CNTNAP5: variants seen among roughly 807,000 people sequenced by gnomAD.
CNTNAP5 encodes contactin associated protein family member 5, also known as contactin-associated protein-like 5.
In CNTNAP5, 72 loss-of-function variants were observed where a neutral mutation model predicts 150.2. The ratio of observed to expected loss-of-function variants is 0.48; its 90% confidence interval spans 0.40 to 0.58. CNTNAP5 has a LOEUF of 0.58. Ranked by LOEUF, CNTNAP5 falls within the 20% of genes least tolerant of loss-of-function variation. CNTNAP5 has a pLI of 0.00. For missense variants in CNTNAP5, 1,636 were observed against 1,626.2 expected (o/e 1.01, Z -0.10); for synonymous variants, 672 against 619.8 (o/e 1.08, Z -1.25).
At chr2:124,409,750 C>T (rs1381512053) in intron 3 of CNTNAP5, among the ~76,000 whole-genome samples, 1 of 150,998 alleles carries the variant, frequency 6.6e-6, no homozygotes, top group Non-Finnish European at 1.5e-5. Flanking sequence ...AAAGGAACAA[C>T]CGGTACCAGC....
intron 19 of CNTNAP5, among the ~76,000 whole-genome samples, chr2:124,847,484 C>T (rs141762303): frequency 5.7e-4 from 87 of 152,242 alleles, no homozygotes; most frequent in Non-Finnish European, 9.4e-4. Context: ...CCAACAGCAT[C>T]GAGTCTATAT....
intron 12 of CNTNAP5, among the ~76,000 whole-genome samples, chr2:124,630,733 C>T (rs1230685230): frequency 6.6e-6 from 1 of 152,088 alleles, no homozygotes; most frequent in Non-Finnish European, 1.5e-5. Flanking sequence ...CCAGGGCAAT[C>T]AGGCAAGAGA....
intron 11 of CNTNAP5, among the ~76,000 whole-genome samples, chr2:124,581,069 T>A (rs1454712006): frequency 2.6e-5 from 4 of 152,132 alleles, no homozygotes; most frequent in African/African-American, 9.7e-5. Flanking sequence ...AGAGCACAGA[T>A]CGTGGGCTTG....
intron 11 of CNTNAP5, among the ~76,000 whole-genome samples, chr2:124,576,092 T>A (rs887133413): frequency 6.6e-6 from 1 of 152,180 alleles, no homozygotes; most frequent in African/African-American, 2.4e-5. Context: ...TAGCTGTAGT[T>A]CCAGATTTTA....
At chr2:124,792,027 G>A (rs1681746025) in intron 18 of CNTNAP5, among the ~76,000 whole-genome samples, 1 of 152,086 alleles carries the variant, frequency 6.6e-6, no homozygotes. Context: ...AACTGAAATG[G>A]GAAGCCAGTG....
intron 1 of CNTNAP5, among the ~76,000 whole-genome samples, chr2:124,109,862 C>A (rs982883220): frequency 3.9e-5 from 6 of 152,182 alleles, no homozygotes; most frequent in African/African-American, 1.4e-4. Flanking sequence ...GGTTTTTGAA[C>A]AAAGGATCTG....
At chr2:124,410,854 G>C (rs1691737827) in intron 3 of CNTNAP5, among the ~76,000 whole-genome samples, 1 of 150,428 alleles carries the variant, frequency 6.6e-6, no homozygotes, top group African/African-American at 2.4e-5. Flanking sequence ...TCAAAAGCTA[G>C]CAGAAGGCAA....
intron 18 of CNTNAP5, among the ~76,000 whole-genome samples, chr2:124,793,113 C>A (rs1681771649): frequency 6.6e-6 from 1 of 152,174 alleles, no homozygotes; most frequent in Non-Finnish European, 1.5e-5. Context: ...AACTTCCTAA[C>A]TTTTTCAAAT....
At position 124,510,028 on chromosome 2, in the gene CNTNAP5, C is replaced by A. The variant is rs539655487; in HGVS notation, c.1327+5472C>A. Among the ~76,000 whole-genome samples, 262 of 151,748 alleles carry A rather than the reference C, an allele frequency of 1.7e-3. 5 individuals are homozygous for A. The highest frequency in any genetic ancestry group is 8.1e-4 in the Non-Finnish European group (55 of 67,952). On this transcript the variant is annotated intron_variant, in intron 8 of 23. Transcript: ENST00000682447. ...ACCAGCCTCACCAACATGGTGAAAC[C>A]CATCTGTACTAAAAATACAAAAGTT...
In CNTNAP5 at chr2:124,732,212, G is replaced by A. The variant is rs546316423; in HGVS notation, c.2078-15017G>A. Among the ~76,000 whole-genome samples, 178 of 152,150 alleles carry A rather than the reference G, an allele frequency of 1.2e-3. 2 individuals carry two copies. Among genetic ancestry groups the A allele is most frequent in the African/African-American group, 4.1e-3 (171 of 41,520 alleles). ...TTGATAGAGACTAGATAATTTTGAA[G>A]AGAAAATACATAATTGAGTCTCAGT... On this transcript the variant is annotated intron_variant, in intron 13 of 23. Transcript: ENST00000682447.
At chr2:124,825,379 G>A (rs1026913263) in intron 19 of CNTNAP5, among the ~76,000 whole-genome samples, 1 of 152,128 alleles carries the variant, frequency 6.6e-6, no homozygotes, top group Non-Finnish European at 1.5e-5. Flanking sequence ...ATGTTTCTAT[G>A]TAATTATTTA....
intron 3 of CNTNAP5, among the ~76,000 whole-genome samples, chr2:124,399,476 G>A (rs1026471375): frequency 6.6e-5 from 10 of 152,048 alleles, no homozygotes; most frequent in African/African-American, 9.7e-5. Context: ...ATTGACTATA[G>A]GACAGGCAAG....
At chr2:124,152,927 T>C (rs1479147864) in intron 1 of CNTNAP5, among the ~76,000 whole-genome samples, 1 of 152,184 alleles carries the variant, frequency 6.6e-6, no homozygotes, top group African/African-American at 2.4e-5. Flanking sequence ...TGTTGGTTTC[T>C]ATAGAAACTA....
At chr2:124,696,945 T>G (rs540484416) in intron 13 of CNTNAP5, among the ~76,000 whole-genome samples, 2 of 152,310 alleles carry the variant, frequency 1.3e-5, no homozygotes, top group East Asian at 3.9e-4. Context: ...TTTATAACTT[T>G]GTGGGAAAGT....
chr2:124,028,353 T>C (rs1680955303), intron 1 of CNTNAP5, among the ~76,000 whole-genome samples: 1 of 151,984 alleles, frequency 6.6e-6, no homozygotes, highest in South Asian at 2.1e-4. Flanking sequence ...TTTCTCATAA[T>C]CTGACCGAAA....
intron 2 of CNTNAP5, among the ~76,000 whole-genome samples, chr2:124,232,476 T>C (rs1487927234): frequency 1.3e-5 from 2 of 152,162 alleles, no homozygotes; most frequent in Admixed American, 6.6e-5. Flanking sequence ...TTAGGTTTAC[T>C]GAATTCTCCA....
At chr2:124,781,772 T>C (rs185342527) in intron 17 of CNTNAP5, among the ~76,000 whole-genome samples, 4 of 152,324 alleles carry the variant, frequency 2.6e-5, no homozygotes, top group Admixed American at 2.6e-4. Flanking sequence ...GGTGCCCTTT[T>C]GCTCCATATT....
At position 124,920,293 on chromosome 2, in the gene CNTNAP5, C is replaced by T. The variant is rs1678848135; in HGVS notation, c.*6005C>T. ...TGCTGGATATGAAACAGGAATAATG[C>T]ATTCCTCTACAGACTCTTTGAAAGG... On this transcript the variant is annotated 3_prime_UTR_variant, in exon 24 of 24. Coordinates refer to ENST00000682447, the MANE Select transcript of CNTNAP5 (RefSeq NM_001367498.1). Among the ~76,000 whole-genome samples the T allele has an allele frequency of 6.6e-6, 1 of 152,060 alleles. No individual in the cohort carries two copies. Among genetic ancestry groups the T allele is most frequent in the Non-Finnish European group, 1.5e-5 (1 of 68,020 alleles).
chr2:124,802,207 C>T (rs555822935), intron 19 of CNTNAP5, among the ~76,000 whole-genome samples: 12 of 152,320 alleles, frequency 7.9e-5, no homozygotes, highest in Non-Finnish European at 5.9e-5. Flanking sequence ...AAACACTGCA[C>T]ACAATTCTCA....
Sources: gnomAD v4.1 joint callset for allele counts (sites outside exome capture counted in the v4.1 genomes callset) on GRCh38, gnomAD v4.1.1 for gene constraint, MANE v1.5 for transcripts, NCBI Gene and HGNC (gene_info 2026-07-23, HGNC 2026-07-21) for gene names.